Variants in DMRT1 observed in about 807,000 individuals in gnomAD.
The protein encoded by DMRT1 is doublesex and mab-3 related transcription factor 1, also known as doublesex- and mab-3-related transcription factor 1.
In DMRT1, 7 loss-of-function variants were observed where a neutral mutation model predicts 32.3. The observed-to-expected ratio is 0.22, with a 90% CI of 0.12 to 0.41. The LOEUF (loss-of-function observed/expected upper bound fraction) is 0.41, where lower values mean the gene tolerates loss of function less well. Among genes scored for constraint, DMRT1 ranks in the 10% least tolerant of loss-of-function variants. The pLI, the probability that DMRT1 is intolerant of heterozygous loss-of-function variation, is 1.00. For synonymous variants in DMRT1, 278 were observed against 206.1 expected (o/e 1.35, Z -2.99); for missense variants, 625 against 500.5 (o/e 1.25, Z -2.37).
In DMRT1 at chr9:873,073, G is replaced by C. The variant is rs141348387; in HGVS notation, c.539-20839G>C. ...AGTTTGCTAGGTAACCTTTAACCCA[G>C]TCAAGGTGACATCTAAAATTAACCA... On this transcript the variant is annotated intron_variant, in intron 2 of 4. Coordinates refer to ENST00000382276, the MANE Select transcript of DMRT1 (RefSeq NM_021951.3). 8.8e-4 allele frequency among the ~76,000 whole-genome samples: 134 copies of C among 152,296 alleles called. 1 individual carries two copies. The highest frequency in any genetic ancestry group is 3.2e-3 in the African/African-American group (133 of 41,566).
At chr9:868,768 G>C (rs1026543074) in intron 2 of DMRT1, among the ~76,000 whole-genome samples, 3 of 152,226 alleles carry the variant, frequency 2.0e-5, no homozygotes, top group African/African-American at 4.8e-5. Context: ...CCAGCACTTT[G>C]GAAGGCCAAG....
chr9:882,671 C>T (rs1002610956), intron 2 of DMRT1, among the ~76,000 whole-genome samples: 3 of 151,750 alleles, frequency 2.0e-5, no homozygotes, highest in African/African-American at 7.3e-5. Flanking sequence ...CCTGTGTTTG[C>T]TCAGCCTCAT....
intron 3 of DMRT1, among the ~76,000 whole-genome samples, chr9:900,956 C>T (rs10115718): frequency 0.031 from 4,699 of 151,648 alleles, 249 homozygotes; most frequent in African/African-American, 0.11. Flanking sequence ...CCTCTAGAAG[C>T]GCTGGGATTA....
intron 4 of DMRT1, among the ~76,000 whole-genome samples, chr9:943,354 G>A (rs368746679): frequency 6.6e-6 from 1 of 152,300 alleles, no homozygotes; most frequent in African/African-American, 2.4e-5. Flanking sequence ...AGGAGCCCTG[G>A]GGCAGGAAGT....
intron 2 of DMRT1, among the ~76,000 whole-genome samples, chr9:849,236 C>T (rs1316636765): frequency 2.0e-5 from 3 of 152,194 alleles, no homozygotes; most frequent in Admixed American, 2.0e-4. Context: ...TCCCATTCTA[C>T]TTAACTGGGA....
rs748570152 is a variant in DMRT1 at position 894,193 on chromosome 9, C to G, written c.820C>G (p.Gln274Glu). The G allele has an allele frequency of 6.2e-7, 1 of 1,613,020 alleles. No individual in the cohort carries two copies. Among genetic ancestry groups the G allele is most frequent in the African/African-American group, 1.3e-5 (1 of 74,890 alleles). ...GCCTGGTCAGACAGGAAACCAGTGG[C>G]AGGTATGATATTAATTACCCAGAGA... is the stretch of plus-strand genomic sequence containing the variant. ...YVPGQTGNQW[Q>E]MKNMENRHAM... Residue 274 changes from glutamine (Q) to glutamate (E), a missense_variant and splice_region_variant, in exon 3 of 5, where the codon CAG becomes GAG. By Grantham distance (29) the Gln-to-Glu change is conservative. Transcript: ENST00000382276.
intron 2 of DMRT1, among the ~76,000 whole-genome samples, chr9:874,963 A>T (rs1013400653): frequency 6.6e-6 from 1 of 151,628 alleles, no homozygotes; most frequent in African/African-American, 2.4e-5. Context: ...GCCCGCCACC[A>T]CGCCCGGCAA....
At chr9:917,394 G>C (rs144988056) in intron 4 of DMRT1, among the ~76,000 whole-genome samples, 5 of 152,300 alleles carry the variant, frequency 3.3e-5, no homozygotes, top group African/African-American at 1.2e-4. Flanking sequence ...AAATAACTCT[G>C]ATATAATGGC....
chr9:890,083 G>GGGTT (rs1273507545), intron 2 of DMRT1, among the ~76,000 whole-genome samples: 4 of 108,902 alleles, frequency 3.7e-5, no homozygotes, highest in African/African-American at 9.5e-5. Context: ...GCCACCAAAC[G>GGGTT]TGTTTTTTTT....
intron 4 of DMRT1, among the ~76,000 whole-genome samples, chr9:953,682 C>A (rs942029851): frequency 6.6e-6 from 1 of 152,214 alleles, no homozygotes; most frequent in Non-Finnish European, 1.5e-5. Flanking sequence ...GGCCAGCAAT[C>A]ATCTCTTCTC....
At chr9:909,997 A>G (rs1410919954) in intron 3 of DMRT1, among the ~76,000 whole-genome samples, 2 of 152,182 alleles carry the variant, frequency 1.3e-5, no homozygotes, top group African/African-American at 4.8e-5. Flanking sequence ...TACAGGTGTG[A>G]GCCATTGTGC....
intron 4 of DMRT1, among the ~76,000 whole-genome samples, chr9:945,679 A>G (rs144592257): frequency 2.0e-3 from 299 of 152,164 alleles, no homozygotes; most frequent in African/African-American, 6.7e-3. Flanking sequence ...AATGAACAGA[A>G]CACTGCTGTT....
At chr9:858,335 T>C (rs763015040) in intron 2 of DMRT1, among the ~76,000 whole-genome samples, 6 of 152,074 alleles carry the variant, frequency 3.9e-5, no homozygotes, top group Non-Finnish European at 8.8e-5. Flanking sequence ...TAGGGAACTT[T>C]TGGAAGGTCA....
chr9:953,518 A>T (rs1819498565), intron 4 of DMRT1, among the ~76,000 whole-genome samples: 1 of 152,190 alleles, frequency 6.6e-6, no homozygotes, highest in African/African-American at 2.4e-5. Context: ...ACCTTTGATG[A>T]CAGGAAAGTT....
intron 3 of DMRT1, among the ~76,000 whole-genome samples, chr9:912,242 T>G (rs925793568): frequency 6.6e-6 from 1 of 152,212 alleles, no homozygotes; most frequent in Non-Finnish European, 1.5e-5. Flanking sequence ...GCCCCCATGA[T>G]CCAATCACCA....
chr9:887,928 TATATG>T (rs1359024372), intron 2 of DMRT1, among the ~76,000 whole-genome samples: 2 of 152,242 alleles, frequency 1.3e-5, no homozygotes, highest in African/African-American at 2.4e-5. Context: ...ACATAGTTGT[TATATG>T]ATAACTAGTG....
At chr9:909,038 A>G (rs1047720947) in intron 3 of DMRT1, among the ~76,000 whole-genome samples, 1 of 152,132 alleles carries the variant, frequency 6.6e-6, no homozygotes, top group Non-Finnish European at 1.5e-5. Context: ...AGTCCTCACA[A>G]GTGCCTGTCT....
intron 4 of DMRT1, among the ~76,000 whole-genome samples, chr9:938,577 A>T (rs1818961810): frequency 6.6e-6 from 1 of 152,226 alleles, no homozygotes; most frequent in Non-Finnish European, 1.5e-5. Context: ...ATAGAAATAC[A>T]ACTGATTTTT....
intron 2 of DMRT1, among the ~76,000 whole-genome samples, chr9:883,047 C>T: frequency 6.6e-6 from 1 of 151,974 alleles, no homozygotes; most frequent in East Asian, 1.9e-4. Context: ...GCTGGGATTA[C>T]AGGCATGAGC....
Sources: gnomAD v4.1 joint callset for allele counts (sites outside exome capture counted in the v4.1 genomes callset) on GRCh38, gnomAD v4.1.1 for gene constraint, MANE v1.5 for transcripts, NCBI Gene and HGNC (gene_info 2026-07-23, HGNC 2026-07-21) for gene names.